The following PHLPP1 variants were observed in gnomAD, a reference collection of about 807,000 sequenced individuals.
PHLPP1 encodes the protein PH domain leucine-rich repeat-containing protein phosphatase 1.
Under a neutral mutation model 117.2 loss-of-function variants are expected in PHLPP1, and 42 were observed. That is an observed-to-expected ratio of 0.36 (90% CI 0.28 to 0.46). The LOEUF (loss-of-function observed/expected upper bound fraction) is 0.46, where lower values mean the gene tolerates loss of function less well. Ranked by LOEUF, PHLPP1 falls within the 20% of genes least tolerant of loss-of-function variation. PHLPP1 has a pLI of 1.00. For missense variants in PHLPP1, 2,084 were observed against 2,241.9 expected, an observed-to-expected ratio of 0.93 and a Z score of 1.42; for synonymous variants, 1,042 against 970.7, an observed-to-expected ratio of 1.07 and a Z score of -1.37.
At chr18:62,879,617 T>C (rs1916127955) in intron 4 of PHLPP1, among the ~76,000 whole-genome samples, 1 of 152,032 alleles carries the variant, frequency 6.6e-6, no homozygotes, top group African/African-American at 2.4e-5. Flanking sequence ...ACCGTGTTAG[T>C]CAGGATGGTC....
At chr18:62,916,342 ATTCT>A (rs1219008878) in intron 9 of PHLPP1, among the ~76,000 whole-genome samples, 2 of 151,378 alleles carry the variant, frequency 1.3e-5, no homozygotes, top group African/African-American at 4.9e-5. Context: ...TTGTTCTTTT[ATTCT>A]TTCTTTTAAT....
intron 1 of PHLPP1, among the ~76,000 whole-genome samples, chr18:62,825,104 G>T (rs979969432): frequency 6.6e-6 from 1 of 151,760 alleles, no homozygotes; most frequent in Non-Finnish European, 1.5e-5. Context: ...GACTATGGGC[G>T]CCTGCCACCA....
chr18:62,867,179 TC>T (rs1183605508), intron 4 of PHLPP1, among the ~76,000 whole-genome samples: 1 of 152,190 alleles, frequency 6.6e-6, no homozygotes. Context: ...CAAGTCCTGC[TC>T]CCTAGACAAC....
At chr18:62,927,232 T>G (rs1174548921) in intron 10 of PHLPP1, among the ~76,000 whole-genome samples, 1 of 152,194 alleles carries the variant, frequency 6.6e-6, no homozygotes, top group Non-Finnish European at 1.5e-5. Flanking sequence ...CACTTATCTG[T>G]GCTGATAGAA....
chr18:62,913,735 CTCTCTTTTTTTTTT>C (rs1917022231), intron 8 of PHLPP1, among the ~76,000 whole-genome samples: 1 of 113,778 alleles, frequency 8.8e-6, no homozygotes, highest in African/African-American at 3.2e-5. Flanking sequence ...AGTTCTCTCT[CTCTCTTTTTTTTTT>C]TTTTTTTTTT....
intron 4 of PHLPP1, 134 bp from the exon 5 acceptor site, chr18:62,894,877 A>T: frequency 1.6e-6 from 1 of 638,524 alleles, no homozygotes; most frequent in Non-Finnish European, 2.7e-6. Flanking sequence ...CTGCTCCTTA[A>T]CCTCTCTGGG....
intron 10 of PHLPP1, among the ~76,000 whole-genome samples, chr18:62,935,706 C>T (rs553697542): frequency 6.6e-5 from 10 of 152,224 alleles, no homozygotes; most frequent in African/African-American, 1.9e-4. Context: ...TATCTAACAT[C>T]AAGACCTTGG....
intron 1 of PHLPP1, among the ~76,000 whole-genome samples, chr18:62,756,603 C>A (rs1394512299): frequency 1.3e-5 from 2 of 152,192 alleles, no homozygotes; most frequent in East Asian, 3.8e-4. Context: ...GCAGGCTTCG[C>A]TCTTGGCCAT....
chr18:62,975,491 AC>A lies in PHLPP1; in HGVS notation c.3852del (p.Ser1285LeufsTer26). 6.2e-7 allele frequency: 1 copy of A among 1,613,326 alleles called. No individual in the cohort carries two copies. Among genetic ancestry groups the A allele is most frequent in the Non-Finnish European group, 8.5e-7 (1 of 1,179,348 alleles). On this transcript the variant is annotated frameshift_variant, in exon 16 of 17. Coordinates refer to ENST00000262719, the MANE Select transcript of PHLPP1 (RefSeq NM_194449.4). LOFTEE classifies it high-confidence loss of function. ...GGATCCAGGAGGATCCTTCACCTTGACCTCTGCTAATGTGGGCAAGTGCCAA... is the reference window on the plus strand; with the variant it reads ...GGATCCAGGAGGATCCTTCACCTTGACTCTGCTAATGTGGGCAAGTGCCAA... ...PVDPGGSFTL[T>X]SANVGKCQTV... is the part of the protein sequence containing the mutation.
rs377565450 is a variant in PHLPP1, at chr18:62,978,962, G to A, written c.4685G>A (p.Arg1562Gln). 3.1e-5 allele frequency: 50 copies of A among 1,610,668 alleles called. No individual in the cohort carries two copies. In the Middle Eastern group the frequency reaches 6.6e-4, roughly 21 times the overall value. Residue 1562 changes from arginine to glutamine, a missense_variant, in exon 17 of 17, where the codon CGG becomes CAG. Coordinates refer to ENST00000262719, the MANE Select transcript of PHLPP1 (RefSeq NM_194449.4). This position sits in a 1 kb window ranked among gnomAD's most constrained non-coding sequence, Gnocchi z 7.0. Reference sequence around the variant, plus strand: ...GAGGGCGTCTTCACCAACGGCAGCCGGGTGGAGGTGGAGGTGGACATCCAC... The same window carrying A: ...GAGGGCGTCTTCACCAACGGCAGCCAGGTGGAGGTGGAGGTGGACATCCAC... ...PIEGVFTNGS[R>Q]VEVEVDIHCS...
chr18:62,735,564 A>G (rs371768208), intron 1 of PHLPP1, among the ~76,000 whole-genome samples: 2 of 142,876 alleles, frequency 1.4e-5, no homozygotes, highest in African/African-American at 5.0e-5. Context: ...CCCCCCATCA[A>G]AACAACAACA....
chr18:62,919,859 A>G, intron 9 of PHLPP1, 100 bp from the exon 10 acceptor site: 1 of 783,508 alleles, frequency 1.3e-6, no homozygotes, highest in Non-Finnish European at 2.1e-6. Flanking sequence ...ATTAAAATGA[A>G]TTTGTAGTTG....
chr18:62,844,041 A>G (rs866818781), intron 3 of PHLPP1, among the ~76,000 whole-genome samples: 1 of 152,152 alleles, frequency 6.6e-6, no homozygotes, highest in African/African-American at 2.4e-5. Context: ...ACACCATATT[A>G]TTCTACTTTA....
intron 1 of PHLPP1, among the ~76,000 whole-genome samples, chr18:62,802,367 C>T (rs995379748): frequency 6.6e-6 from 1 of 152,054 alleles, no homozygotes; most frequent in African/African-American, 2.4e-5. Context: ...AGGGCAGATT[C>T]GATTCCAGGG....
intron 1 of PHLPP1, among the ~76,000 whole-genome samples, chr18:62,783,218 CTTTT>C: frequency 7.6e-6 from 1 of 132,144 alleles, no homozygotes; most frequent in South Asian, 2.4e-4. Context: ...ACAAGCCTTT[CTTTT>C]TTTTTTCTTT....
rs559178629 is a variant in PHLPP1, at chr18:62,963,738, G to C, written c.3560+266G>C. Among the ~76,000 whole-genome samples the C allele has an allele frequency of 3.3e-5, 5 of 152,330 alleles. No homozygotes were observed. The East Asian group carries it at 9.6e-4, about 29-fold the overall frequency. On this transcript the variant is annotated intron_variant, in intron 14 of 16. Transcript: ENST00000262719. ...CACATTATATCTATGTAAGACTCCA[G>C]TGTTTAGAAAAGGCCTAAGTATTGA...
At chr18:62,814,422 G>A (rs191476474) in intron 1 of PHLPP1, among the ~76,000 whole-genome samples, 2 of 152,264 alleles carry the variant, frequency 1.3e-5, no homozygotes, top group Admixed American at 1.3e-4. Flanking sequence ...GACCTCTTAC[G>A]GAGTCATTTC....
chr18:62,835,700 G>A (rs527612493), intron 2 of PHLPP1, among the ~76,000 whole-genome samples: 11 of 150,758 alleles, frequency 7.3e-5, no homozygotes, highest in South Asian at 6.3e-4. Flanking sequence ...TCTTTAATCC[G>A]TTAATGTGAT....
chr18:62,893,690 G>A (rs960891635), intron 4 of PHLPP1, among the ~76,000 whole-genome samples: 3 of 152,102 alleles, frequency 2.0e-5, no homozygotes, highest in Admixed American at 6.5e-5. Flanking sequence ...AGACGTGGGC[G>A]GTTTTTAAAG....
Sources: allele counts gnomAD v4.1 joint callset (sites outside exome capture counted in the v4.1 genomes callset), GRCh38; gene constraint gnomAD v4.1.1; non-coding constraint Gnocchi (gnomAD v3.1); transcripts MANE v1.5; gene names NCBI Gene and HGNC (gene_info 2026-07-23, HGNC 2026-07-21).